The following SCRT1 variants were observed in gnomAD, a reference collection of about 807,000 sequenced individuals.
The protein encoded by SCRT1 is transcriptional repressor scratch 1.
Under a neutral mutation model 3.4 loss-of-function variants are expected in SCRT1, and 1 was observed. The observed-to-expected ratio is 0.29, with a 90% confidence interval of 0.10 to 1.39. The LOEUF (loss-of-function observed/expected upper bound fraction) is 1.39, where lower values mean the gene tolerates loss of function less well. Ranked by LOEUF, SCRT1 falls within the 40% of genes most tolerant of loss-of-function variation. The pLI is 0.42. For synonymous variants in SCRT1, 238 were observed against 247.0 expected (o/e 0.96, Z 0.34); for missense variants, 380 against 526.3 (o/e 0.72, Z 2.72).
At position 144,333,966 on chromosome 8, in the gene SCRT1, G is replaced by C. The variant is rs1377236647; in HGVS notation, c.266C>G (p.Thr89Ser). The C allele has an allele frequency of 5.1e-6, 7 of 1,361,602 alleles. No homozygotes were observed. Among genetic ancestry groups the C allele is most frequent in the African/African-American group, 1.5e-5 (1 of 65,086 alleles). 84.3% of individuals were successfully genotyped at this position (1,361,602 alleles called of 1,614,324 possible). A position where few individuals can be genotyped will look rare whatever the true frequency, so the allele number is the denominator to read the frequency against. Residue 89 changes from threonine to serine, a missense_variant, in exon 2 of 2, where the codon ACC (threonine) becomes AGC (serine). Physicochemically the swap from Thr to Ser is moderately conservative, Grantham distance 58 (BLOSUM62 1). This residue lies in a region of SCRT1 where 125 missense variants were observed against 132.7 expected (regional missense o/e 0.94). Coordinates refer to ENST00000569446, the MANE Select transcript of SCRT1 (RefSeq NM_031309.6). ...PAAAGSAPPP[T>S]PRPELATAAG... is the part of the protein sequence containing the mutation. ...AGCGGTGGCCAGCTCCGGGCGCGGG[G>C]TGGGCGGCGGCGCAGACCCTGCAGC...
In SCRT1 at chr8:144,334,072, C is replaced by T; in HGVS notation, c.160G>A (p.Asp54Asn). ...CCTTTGAGCAGCGCAGCCTCGGCGT[C>T]GCCATCGTAGACGGACGAGGGCCCC... ...YVGPSSVYDG[D>N]AEAALLKGPS... Residue 54 changes from aspartate to asparagine, a missense_variant, in exon 2 of 2, where the codon GAC becomes AAC. By Grantham distance (23) the Asp-to-Asn change is conservative (BLOSUM62 1). Around this residue, in one of 5 missense-constraint regions of SCRT1, gnomAD observed 125 missense variants for 132.7 expected, o/e 0.94. Transcript: ENST00000569446. 1 of 1,537,398 alleles carries T rather than the reference C, an allele frequency of 6.5e-7. No homozygotes were observed.
In SCRT1 at chr8:144,333,120, A is replaced by G; in HGVS notation, c.*65T>C. 2.2e-6 allele frequency: 3 copies of G among 1,345,992 alleles called. No individual in the cohort carries two copies. Among genetic ancestry groups the G allele is most frequent in the Non-Finnish European group, 2.0e-6 (2 of 1,020,928 alleles). 83.4% of individuals were successfully genotyped at this position (1,345,992 alleles called of 1,614,324 possible). A position where few individuals can be genotyped will look rare whatever the true frequency, so the allele number is the denominator to read the frequency against. The stretch of plus-strand genomic sequence containing the variant: ...CCTCCGGCCCCTCCACCCGGACGCC[A>G]GCGAAGACTTCCCTGGGGGGCCGTA... On this transcript the variant is annotated 3_prime_UTR_variant, in exon 2 of 2. Coordinates refer to ENST00000569446, the MANE Select transcript of SCRT1 (RefSeq NM_031309.6).
Position 144,331,459 on chromosome 8 carries a change from G to A in SCRT1, c.*1726C>T, listed in dbSNP as rs974834114. ...AGTGTAGGGGGCATGTGAACCTAGG[G>A]ACCTGGTCTCTCTGCATCTGCCGTT... is the stretch of plus-strand genomic sequence containing the variant. On this transcript the variant is annotated 3_prime_UTR_variant, in exon 2 of 2. Transcript: ENST00000569446. The A allele has an allele frequency of 2.6e-5, 4 of 152,532 alleles. No individual in the cohort carries two copies. The highest frequency in any genetic ancestry group is 2.6e-4 in the Admixed American group (4 of 15,310). The allele number at this position is 152,532 out of a possible 1,614,324, so 9.4% of individuals were successfully genotyped here. A position where few individuals can be genotyped will look rare whatever the true frequency, so the allele number is the denominator to read the frequency against.
rs1377737970 is a variant in SCRT1 at position 144,335,806 on chromosome 8, G to T, written c.115+249C>A. Among the ~76,000 whole-genome samples, 1 of 152,190 alleles carries T rather than the reference G, an allele frequency of 6.6e-6. No homozygotes were observed. The highest frequency in any genetic ancestry group is 2.4e-5 in the African/African-American group (1 of 41,442). ...GGTCAGGATGTGGGTCCATGTGTGC[G>T]TTTGGGTACCTCAGTTCCTGATCCT... On this transcript the variant is annotated intron_variant, in intron 1 of 1. Coordinates refer to ENST00000569446, the MANE Select transcript of SCRT1 (RefSeq NM_031309.6). This position sits in a 1 kb window ranked among gnomAD's most constrained non-coding sequence, Gnocchi z 7.7.
In SCRT1 at chr8:144,336,241, G is replaced by T; in HGVS notation, c.-72C>A. 8.6e-7 allele frequency: 1 copy of T among 1,161,140 alleles called. No homozygotes were observed. The highest frequency in any genetic ancestry group is 1.2e-6 in the Non-Finnish European group (1 of 827,416). The allele number at this position is 1,161,140 out of a possible 1,614,324, so 71.9% of individuals were successfully genotyped here. On this transcript the variant is annotated 5_prime_UTR_variant, in exon 1 of 2. Transcript: ENST00000569446. This position sits in a 1 kb window ranked among gnomAD's most constrained non-coding sequence, Gnocchi z 6.8. The stretch of plus-strand genomic sequence containing the variant: ...GGGGGGGCTGCGGCGGCAGGGCCCC[G>T]TCACCATCCGAGGAGCGGCGGAGGC...
chr8:144,335,478 C>T lies in SCRT1; in HGVS notation c.115+577G>A, dbSNP rs1588695601. 6.6e-6 allele frequency among the ~76,000 whole-genome samples: 1 copy of T among 152,146 alleles called. No individual in the cohort carries two copies. Among genetic ancestry groups the T allele is most frequent in the African/African-American group, 2.4e-5 (1 of 41,430 alleles). ...AAGAGCCTCCCCCTGCCTCCCACACCTTGGGCGTCCCTTGCTCACAGCCTC... is the reference window on the plus strand; with the variant it reads ...AAGAGCCTCCCCCTGCCTCCCACACTTTGGGCGTCCCTTGCTCACAGCCTC... On this transcript the variant is annotated intron_variant, in intron 1 of 1. Coordinates refer to ENST00000569446, the MANE Select transcript of SCRT1 (RefSeq NM_031309.6). This position sits in a 1 kb window ranked among gnomAD's most constrained non-coding sequence, Gnocchi z 7.7.
Position 144,331,244 on chromosome 8 carries a change from CCTT to C in SCRT1, c.*1938_*1940del, listed in dbSNP as rs1236885020. On this transcript the variant is annotated 3_prime_UTR_variant, in exon 2 of 2. Transcript: ENST00000569446. ...GCCACACCATAGGCTACAGCTGGCACCTTCTTCTCCAGCCATGGCTCTGCCCCT... is the reference window on the plus strand; with the variant it reads ...GCCACACCATAGGCTACAGCTGGCACCTTCTCCAGCCATGGCTCTGCCCCT... 1 of 152,248 alleles carries C rather than the reference CCTT, an allele frequency of 6.6e-6. No individual in the cohort carries two copies. The highest frequency in any genetic ancestry group is 1.5e-5 in the Non-Finnish European group (1 of 68,068). 9.4% of individuals were successfully genotyped at this position (152,248 alleles called of 1,614,324 possible).
At chr8:144,334,322 G>A (rs1034286249) in intron 1 of SCRT1, among the ~76,000 whole-genome samples, 2 of 151,944 alleles carry the variant, frequency 1.3e-5, no homozygotes, top group East Asian at 3.9e-4. Flanking sequence ...GAGAGGGGAG[G>A]AGAGGATGAG....
rs148930478 is a variant in SCRT1, at chr8:144,336,062, G to C, written c.108C>G (p.His36Gln). Residue 36 changes from histidine (H) to glutamine (Q), a missense_variant, in exon 1 of 2, where the codon CAC (histidine) becomes CAG (glutamine). Physicochemically the swap from His to Gln is conservative, Grantham distance 24. Coordinates refer to ENST00000569446, the MANE Select transcript of SCRT1 (RefSeq NM_031309.6). This position sits in a 1 kb window ranked among gnomAD's most constrained non-coding sequence, Gnocchi z 6.8. The stretch of plus-strand genomic sequence containing the variant: ...TCTCAGACCAGCGCTCACCTTTATC[G>C]TGCAGTGGCGCGCCGAGGTCGCTGC... The part of the protein sequence containing the change: ...RARSDLGAPL[H>Q]DKGYLSDYVG... 1.5e-5 allele frequency: 24 copies of C among 1,602,046 alleles called. No individual in the cohort carries two copies. Among genetic ancestry groups the C allele is most frequent in the Non-Finnish European group, 1.9e-5 (22 of 1,174,524 alleles).
chr8:144,335,193 C>T lies in SCRT1; in HGVS notation c.115+862G>A, dbSNP rs1205492159. On this transcript the variant is annotated intron_variant, in intron 1 of 1. Transcript: ENST00000569446. This position sits in a 1 kb window ranked among gnomAD's most constrained non-coding sequence, Gnocchi z 7.7. ...TCACGCAGGGTCACACATGCAGTCA[C>T]CCCGGACACACTCTCAAGTCACATG... Among the ~76,000 whole-genome samples the T allele has an allele frequency of 1.3e-5, 2 of 152,218 alleles. No individual in the cohort carries two copies. The highest frequency in any genetic ancestry group is 6.5e-5 in the Admixed American group (1 of 15,282).
Position 144,334,123 on chromosome 8 carries a change from G to C in SCRT1, c.116-7C>G. The C allele has an allele frequency of 1.3e-6, 2 of 1,527,614 alleles. No homozygotes were observed. Among genetic ancestry groups the C allele is most frequent in the Non-Finnish European group, 1.8e-6 (2 of 1,140,772 alleles). The allele number at this position is 1,527,614 out of a possible 1,614,324, so 94.6% of individuals were successfully genotyped here. ...ACGTAGTCGCTGAGGTACCCTGCGGGCGGAGGCGGACGGACAGCGGGAAGG... is the reference window on the plus strand; with the variant it reads ...ACGTAGTCGCTGAGGTACCCTGCGGCCGGAGGCGGACGGACAGCGGGAAGG... On this transcript the variant is annotated splice_polypyrimidine_tract_variant and splice_region_variant and intron_variant, in intron 1 of 1. Coordinates refer to ENST00000569446, the MANE Select transcript of SCRT1 (RefSeq NM_031309.6).
chr8:144,332,936 C>A lies in SCRT1; in HGVS notation c.*249G>T. On this transcript the variant is annotated 3_prime_UTR_variant, in exon 2 of 2. Transcript: ENST00000569446. The stretch of plus-strand genomic sequence containing the variant: ...GTTCTAGGTCTCGTCGACCCTATTG[C>A]TGGGAGAAAGCCGGGGGCACCCTGG... 2.1e-6 allele frequency: 1 copy of A among 470,156 alleles called. No individual in the cohort carries two copies. The allele number at this position is 470,156 out of a possible 1,614,324, so 29.1% of individuals were successfully genotyped here.
In SCRT1 at chr8:144,333,739, C is replaced by G. The variant is rs1817838297; in HGVS notation, c.493G>C (p.Gly165Arg). The G allele has an allele frequency of 1.8e-6, 2 of 1,118,136 alleles. No homozygotes were observed. The highest frequency in any genetic ancestry group is 2.2e-6 in the Non-Finnish European group (2 of 916,604). 69.3% of individuals were successfully genotyped at this position (1,118,136 alleles called of 1,614,324 possible). ...CCCGCGCGCGTGCCGCCCCGGCCCC[C>G]CGGCCCGGATCCCAAGCTGCGCCCG... The part of the protein sequence containing the change: ...AGGRSLGSGP[G>R]GRGGTRAGAG... The change falls in exon 2 of 2, where the codon GGG (glycine) becomes CGG (arginine). Residue 165 changes from glycine (G) to arginine (R), a missense_variant. Physicochemically the swap from Gly to Arg is moderately radical, Grantham distance 125. This residue lies in a region of SCRT1 where 115 missense variants were observed against 107.3 expected (regional missense o/e 1.07). Coordinates refer to ENST00000569446, the MANE Select transcript of SCRT1 (RefSeq NM_031309.6).
chr8:144,333,822 G>A lies in SCRT1; in HGVS notation c.410C>T (p.Pro137Leu). 9 of 1,227,724 alleles carry A rather than the reference G, an allele frequency of 7.3e-6. No individual in the cohort carries two copies. Among genetic ancestry groups the A allele is most frequent in the Middle Eastern group, 3.1e-4 (1 of 3,224 alleles). The allele number at this position is 1,227,724 out of a possible 1,614,324, so 76.1% of individuals were successfully genotyped here. The change falls in exon 2 of 2, where the codon CCC (proline) becomes CTC (leucine). Residue 137 changes from proline to leucine, a missense_variant. Physicochemically the swap from Pro to Leu is moderately conservative, Grantham distance 98 (BLOSUM62 -3). Around this residue, in one of 5 missense-constraint regions of SCRT1, gnomAD observed 115 missense variants for 107.3 expected, o/e 1.07. Coordinates refer to ENST00000569446, the MANE Select transcript of SCRT1 (RefSeq NM_031309.6). Reference protein sequence around the residue: ...KASNAGAAAAPSTASAAAPDG... With the variant: ...KASNAGAAAALSTASAAAPDG... ...GGGGGCCGCCGCCGAGGCTGTGGAG[G>A]GAGCGGCGGCAGCGCCGGCATTGGA...
chr8:144,335,515 C>T lies in SCRT1; in HGVS notation c.115+540G>A, dbSNP rs1363792064. ...TTGCTCACAGCCTCCTCCCTGCTTCCTCTCCCTGACCCAGGCTTCAGGGAA... is the reference window on the plus strand; with the variant it reads ...TTGCTCACAGCCTCCTCCCTGCTTCTTCTCCCTGACCCAGGCTTCAGGGAA... On this transcript the variant is annotated intron_variant, in intron 1 of 1. Transcript: ENST00000569446. The surrounding 1 kb of genome is among the most constrained non-coding windows in gnomAD (Gnocchi z 7.7). Among the ~76,000 whole-genome samples the T allele has an allele frequency of 6.6e-6, 1 of 152,224 alleles. No homozygotes were observed. The highest frequency in any genetic ancestry group is 1.5e-5 in the Non-Finnish European group (1 of 68,040).
Position 144,332,381 on chromosome 8 carries a change from G to A in SCRT1, c.*804C>T, listed in dbSNP as rs887930006. 4.8e-5 allele frequency: 6 copies of A among 125,834 alleles called. No individual in the cohort carries two copies. Among genetic ancestry groups the A allele is most frequent in the Non-Finnish European group, 9.6e-5 (6 of 62,232 alleles). The allele number at this position is 125,834 out of a possible 1,614,324, so 7.8% of individuals were successfully genotyped here. A position where few individuals can be genotyped will look rare whatever the true frequency, so the allele number is the denominator to read the frequency against. On this transcript the variant is annotated 3_prime_UTR_variant, in exon 2 of 2. Coordinates refer to ENST00000569446, the MANE Select transcript of SCRT1 (RefSeq NM_031309.6). The stretch of plus-strand genomic sequence containing the variant: ...GCCCCGGGAATCCGTCCTCCAACAC[G>A]AATGCCTGGGGTACGGGGGTGGGGG...
chr8:144,333,965 G>T lies in SCRT1; in HGVS notation c.267C>A (p.Thr89=). The part of the protein sequence containing the change: ...PAAAGSAPPP[T]PRPELATAAG... ...CAGCGGTGGCCAGCTCCGGGCGCGGGGTGGGCGGCGGCGCAGACCCTGCAG... is the reference window on the plus strand; with the variant it reads ...CAGCGGTGGCCAGCTCCGGGCGCGGTGTGGGCGGCGGCGCAGACCCTGCAG... The change falls in exon 2 of 2, where the codon ACC becomes ACA. Residue 89 remains threonine (T), a synonymous_variant. Transcript: ENST00000569446. 1 of 1,361,106 alleles carries T rather than the reference G, an allele frequency of 7.3e-7. No individual in the cohort carries two copies. Among genetic ancestry groups the T allele is most frequent in the South Asian group, 1.6e-5 (1 of 60,628 alleles). 84.3% of individuals were successfully genotyped at this position (1,361,106 alleles called of 1,614,324 possible). A position where few individuals can be genotyped will look rare whatever the true frequency, so the allele number is the denominator to read the frequency against.
Position 144,332,903 on chromosome 8 carries a change from G to A in SCRT1, c.*282C>T, listed in dbSNP as rs893747887. ...GTCTTCAGAGACCCAACTCGGAGAT[G>A]AGGTTCGGTTCTAGGTCTCGTCGAC... On this transcript the variant is annotated 3_prime_UTR_variant, in exon 2 of 2. Transcript: ENST00000569446. 5.2e-6 allele frequency: 2 copies of A among 384,926 alleles called. No individual in the cohort carries two copies. Among genetic ancestry groups the A allele is most frequent in the Non-Finnish European group, 9.2e-6 (2 of 216,360 alleles). 23.8% of individuals were successfully genotyped at this position (384,926 alleles called of 1,614,324 possible).
chr8:144,332,347 T>C lies in SCRT1; in HGVS notation c.*838A>G, dbSNP rs1368196936. ...GTGTGTAGAGGGCAGCGCCCAGGCC[T>C]GCCTGCCGGCCCCGGGAATCCGTCC... On this transcript the variant is annotated 3_prime_UTR_variant, in exon 2 of 2. Coordinates refer to ENST00000569446, the MANE Select transcript of SCRT1 (RefSeq NM_031309.6). 1 of 128,606 alleles carries C rather than the reference T, an allele frequency of 7.8e-6. No individual in the cohort carries two copies. The highest frequency in any genetic ancestry group is 1.6e-5 in the Non-Finnish European group (1 of 63,302). 8.0% of individuals were successfully genotyped at this position (128,606 alleles called of 1,614,324 possible). A position where few individuals can be genotyped will look rare whatever the true frequency, so the allele number is the denominator to read the frequency against.
Sources: allele counts gnomAD v4.1 joint callset (sites outside exome capture counted in the v4.1 genomes callset), GRCh38; gene constraint gnomAD v4.1.1; regional missense constraint gnomAD v4.1.1; non-coding constraint Gnocchi (gnomAD v3.1); transcripts MANE v1.5; gene names NCBI Gene and HGNC (gene_info 2026-07-23, HGNC 2026-07-21).